MFHAS1: variants seen among roughly 807,000 people sequenced by gnomAD.
MFHAS1 encodes multifunctional ROCO family signaling regulator 1, also known as malignant fibrous histiocytoma-amplified sequence 1.
In MFHAS1, 50 loss-of-function variants were observed where a neutral mutation model predicts 70.4. The observed-to-expected ratio is 0.71, with a 90% CI of 0.57 to 0.90. The LOEUF is 0.90. Among genes scored for constraint, MFHAS1 ranks in the 40% least tolerant of loss-of-function variants. The pLI is 0.00. For missense variants in MFHAS1, 1,795 were observed against 1,347.6 expected, an observed-to-expected ratio of 1.33 and a Z score of -5.20; for synonymous variants, 952 against 620.0, an observed-to-expected ratio of 1.54 and a Z score of -7.96.
chr8:8,831,180 C>T (rs1807372941), intron 1 of MFHAS1, among the ~76,000 whole-genome samples: 1 of 151,660 alleles, frequency 6.6e-6, no homozygotes, highest in Non-Finnish European at 1.5e-5. Context: ...GGACACTAAC[C>T]CCACTGAATC....
chr8:8,788,215 G>T (rs2409088), intron 2 of MFHAS1, among the ~76,000 whole-genome samples: 27 of 152,188 alleles, frequency 1.8e-4, no homozygotes, highest in African/African-American at 5.5e-4. Context: ...CTGGAGGGCA[G>T]GATTTGATTT....
intron 1 of MFHAS1, among the ~76,000 whole-genome samples, chr8:8,809,842 T>G (rs1394470057): frequency 6.6e-6 from 1 of 152,226 alleles, no homozygotes; most frequent in East Asian, 1.9e-4. Context: ...TTTATTTTGA[T>G]AGCCTGTCAC....
chr8:8,869,846 T>C (rs147788232), intron 1 of MFHAS1, among the ~76,000 whole-genome samples: 6 of 152,276 alleles, frequency 3.9e-5, no homozygotes, highest in African/African-American at 1.2e-4. Context: ...GGCCCAGGAC[T>C]CTGCCTCATT....
intron 2 of MFHAS1, among the ~76,000 whole-genome samples, chr8:8,790,621 TTTC>T (rs748535983): frequency 2.1e-4 from 32 of 152,308 alleles, no homozygotes; most frequent in Admixed American, 5.9e-4. Flanking sequence ...CATGTGGCCT[TTTC>T]TTATAAAATA....
chr8:8,879,939 G>T, intron 1 of MFHAS1, among the ~76,000 whole-genome samples: 1 of 152,186 alleles, frequency 6.6e-6, no homozygotes, highest in Admixed American at 6.5e-5. Context: ...GTCATTCCAG[G>T]AGTTAAACTT....
In MFHAS1 at chr8:8,785,572, A is replaced by G. The variant is rs1237729173; in HGVS notation, c.*450T>C. 1 of 157,726 alleles carries G rather than the reference A, an allele frequency of 6.3e-6. No individual in the cohort carries two copies. The highest frequency in any genetic ancestry group is 2.4e-5 in the African/African-American group (1 of 41,578). The allele number at this position is 157,726 out of a possible 1,614,324, so 9.8% of individuals were successfully genotyped here. A position where few individuals can be genotyped will look rare whatever the true frequency, so the allele number is the denominator to read the frequency against. ...ATTTGCATATTATAAAAATAAAGAT[A>G]AACATATACATATTTTACACTAGTT... On this transcript the variant is annotated 3_prime_UTR_variant, in exon 3 of 3. Transcript: ENST00000276282.
chr8:8,844,572 G>T (rs901373272), intron 1 of MFHAS1, among the ~76,000 whole-genome samples: 12 of 152,206 alleles, frequency 7.9e-5, no homozygotes, highest in African/African-American at 2.9e-4. Flanking sequence ...GGCAGGGCTG[G>T]CTTCTGTCCA....
At chr8:8,841,651 A>G (rs4841055) in intron 1 of MFHAS1, among the ~76,000 whole-genome samples, 106,184 of 151,730 alleles carry the variant, frequency 0.7, 37,806 homozygotes, top group East Asian at 0.85. Context: ...GGCCAAAAGG[A>G]AGTTAAGTAG....
chr8:8,862,388 G>GC (rs1808699815), intron 1 of MFHAS1, among the ~76,000 whole-genome samples: 1 of 146,984 alleles, frequency 6.8e-6, no homozygotes, highest in African/African-American at 2.5e-5. Flanking sequence ...GCTATAAGAG[G>GC]TTTTTTTTTT....
intron 1 of MFHAS1, among the ~76,000 whole-genome samples, chr8:8,865,853 G>A (rs984130844): frequency 1.3e-5 from 2 of 152,212 alleles, no homozygotes; most frequent in African/African-American, 4.8e-5. Context: ...AAAACAAGTG[G>A]TGTCTATTAT....
chr8:8,842,638 C>T (rs999660369), intron 1 of MFHAS1, among the ~76,000 whole-genome samples: 1 of 152,168 alleles, frequency 6.6e-6, no homozygotes, highest in Non-Finnish European at 1.5e-5. Flanking sequence ...ACCGGCATCA[C>T]CCAGGAGCTG....
chr8:8,835,500 C>T (rs1185755932), intron 1 of MFHAS1, among the ~76,000 whole-genome samples: 2 of 152,150 alleles, frequency 1.3e-5, no homozygotes, highest in Non-Finnish European at 2.9e-5. Flanking sequence ...CATTAATTCC[C>T]TCATTTTCCT....
intron 1 of MFHAS1, among the ~76,000 whole-genome samples, chr8:8,873,690 A>G (rs1809178280): frequency 6.6e-6 from 1 of 151,972 alleles, no homozygotes; most frequent in Admixed American, 6.6e-5. Flanking sequence ...ACTCGAGAGG[A>G]TGGTTCTAGG....
chr8:8,892,840 G>A lies in MFHAS1; in HGVS notation c.219C>T (p.Asn73=), dbSNP rs759744936. Residue 73 remains asparagine, a synonymous_variant, in exon 1 of 3, where the codon AAC becomes AAT. Transcript: ENST00000276282. The surrounding 1 kb of genome is among the most constrained non-coding windows in gnomAD (Gnocchi z 4.7). ...GCCCCTCGGGTACCTCCTCCAGGCCGTTGTTCCCCAGGTTCAGTGCCTCAA... is the reference window on the plus strand; with the variant it reads ...GCCCCTCGGGTACCTCCTCCAGGCCATTGTTCCCCAGGTTCAGTGCCTCAA... The part of the protein sequence containing the change: ...GDIEALNLGN[N]GLEEVPEGLG... The A allele has an allele frequency of 2.5e-6, 4 of 1,596,790 alleles. No individual in the cohort carries two copies. The highest frequency in any genetic ancestry group is 1.1e-5 in the South Asian group (1 of 88,648).
intron 1 of MFHAS1, among the ~76,000 whole-genome samples, chr8:8,834,638 C>CA (rs1056027654): frequency 2.0e-5 from 3 of 152,158 alleles, no homozygotes; most frequent in Admixed American, 6.5e-5. Flanking sequence ...TAGGTTGTAA[C>CA]ATGTAAGTTA....
At chr8:8,808,353 C>T (rs771097355) in intron 1 of MFHAS1, among the ~76,000 whole-genome samples, 29 of 152,332 alleles carry the variant, frequency 1.9e-4, no homozygotes, top group Non-Finnish European at 3.4e-4. Context: ...ACGCTGTAAA[C>T]GCTCCCCACC....
Position 8,785,652 on chromosome 8 carries a change from A to G in MFHAS1, c.*370T>C, listed in dbSNP as rs992041988. The G allele has an allele frequency of 1.9e-5, 4 of 209,312 alleles. No individual in the cohort carries two copies. The highest frequency in any genetic ancestry group is 6.8e-5 in the African/African-American group (3 of 43,818). 13.0% of individuals were successfully genotyped at this position (209,312 alleles called of 1,614,324 possible). A position where few individuals can be genotyped will look rare whatever the true frequency, so the allele number is the denominator to read the frequency against. ...CTCTTTCACATTTAACAGAACTGAAATCTGAGTGCTCTAAATACTGCCACC... is the reference window on the plus strand; with the variant it reads ...CTCTTTCACATTTAACAGAACTGAAGTCTGAGTGCTCTAAATACTGCCACC... On this transcript the variant is annotated 3_prime_UTR_variant, in exon 3 of 3. Coordinates refer to ENST00000276282, the MANE Select transcript of MFHAS1 (RefSeq NM_004225.3).
rs149920955 is a variant in MFHAS1, at chr8:8,891,819, G to A, written c.1240C>T (p.Leu414=). The change falls in exon 1 of 3, where the codon CTG becomes TTG. Residue 414 remains leucine (L), a synonymous_variant. Coordinates refer to ENST00000276282, the MANE Select transcript of MFHAS1 (RefSeq NM_004225.3). This position sits in a 1 kb window ranked among gnomAD's most constrained non-coding sequence, Gnocchi z 5.4. ...TTTCCTGCAGCCTTATGCCCCATCA[G>A]GAGCAGCTTGAGCCGGGGCTGCACC... The part of the protein sequence containing the change: ...PAVQPRLKLL[L]MGHKAAGKTL... 182 of 1,613,196 alleles carry A rather than the reference G, an allele frequency of 1.1e-4. No homozygotes were observed. Among genetic ancestry groups the A allele is most frequent in the Non-Finnish European group, 1.5e-4 (176 of 1,179,984 alleles).
rs569982075 is a variant in MFHAS1 at position 8,844,468 on chromosome 8, C to T, written c.2998+45593G>A. 4.9e-4 allele frequency among the ~76,000 whole-genome samples: 74 copies of T among 152,316 alleles called. No individual in the cohort carries two copies. In the South Asian group the frequency reaches 7.1e-3, roughly 15 times the overall value. ...TAAGCCTAGGCATATACACAGCACACCTGTCATTGTTTAAAGTTAGCATGA... is the reference window on the plus strand; with the variant it reads ...TAAGCCTAGGCATATACACAGCACATCTGTCATTGTTTAAAGTTAGCATGA... On this transcript the variant is annotated intron_variant, in intron 1 of 2. Coordinates refer to ENST00000276282, the MANE Select transcript of MFHAS1 (RefSeq NM_004225.3).
Sources: allele counts gnomAD v4.1 joint callset (sites outside exome capture counted in the v4.1 genomes callset), GRCh38; gene constraint gnomAD v4.1.1; non-coding constraint Gnocchi (gnomAD v3.1); transcripts MANE v1.5; gene names NCBI Gene and HGNC (gene_info 2026-07-23, HGNC 2026-07-21).